NAALADL2: variants seen among roughly 807,000 people sequenced by gnomAD.
The protein encoded by NAALADL2 is N-acetylated alpha-linked acidic dipeptidase like 2.
Under a neutral mutation model 87.2 loss-of-function variants are expected in NAALADL2, and 76 were observed. That is an observed-to-expected ratio of 0.87 (90% confidence interval 0.72 to 1.05). The LOEUF (loss-of-function observed/expected upper bound fraction) is 1.05, where lower values mean the gene tolerates loss of function less well. NAALADL2 is among the 50% of genes least tolerant of loss of function. The pLI is 0.00. For synonymous variants in NAALADL2, 354 were observed against 331.0 expected (o/e 1.07, Z -0.75); for missense variants, 1,089 against 945.8 (o/e 1.15, Z -1.99).
At chr3:174,835,717 G>A (rs929589907) in intron 3 of NAALADL2, among the ~76,000 whole-genome samples, 1 of 151,998 alleles carries the variant, frequency 6.6e-6, no homozygotes, top group Admixed American at 6.6e-5. Context: ...CTTCTTTAAC[G>A]AAGATATACA....
chr3:175,425,792 G>A (rs764217523), intron 5 of NAALADL2, among the ~76,000 whole-genome samples: 19 of 152,122 alleles, frequency 1.2e-4, no homozygotes, highest in Non-Finnish European at 1.2e-4. Context: ...GATCATCTGT[G>A]TTGTGGCTAA....
intron 1 of NAALADL2, among the ~76,000 whole-genome samples, chr3:174,902,500 TAACTC>T (rs1732436976): frequency 6.6e-6 from 1 of 151,984 alleles, no homozygotes; most frequent in South Asian, 2.1e-4. Context: ...GACTCTAAAA[TAACTC>T]AAAAAGACAA....
chr3:174,824,356 T>A (rs1056964296), intron 3 of NAALADL2, among the ~76,000 whole-genome samples: 2 of 152,202 alleles, frequency 1.3e-5, no homozygotes, highest in African/African-American at 2.4e-5. Context: ...AGAATGCGAC[T>A]GATAATTCAT....
At chr3:175,205,897 C>T (rs1044243481) in intron 2 of NAALADL2, among the ~76,000 whole-genome samples, 1 of 151,550 alleles carries the variant, frequency 6.6e-6, no homozygotes, top group Non-Finnish European at 1.5e-5. Context: ...CCATCACGCG[C>T]TACCACCTTA....
At chr3:175,562,417 T>C (rs1159666031) in intron 9 of NAALADL2, among the ~76,000 whole-genome samples, 1 of 152,052 alleles carries the variant, frequency 6.6e-6, no homozygotes, top group Non-Finnish European at 1.5e-5. Flanking sequence ...ATGTATATAT[T>C]ATATGACATA....
At chr3:175,338,083 T>C (rs1762178915) in intron 5 of NAALADL2, among the ~76,000 whole-genome samples, 1 of 152,154 alleles carries the variant, frequency 6.6e-6, no homozygotes, top group South Asian at 2.1e-4. Flanking sequence ...CACCAAGCTA[T>C]GTCAGGAGTG....
chr3:174,564,903 A>G (rs1229740474), intron 2 of NAALADL2, among the ~76,000 whole-genome samples: 2 of 151,798 alleles, frequency 1.3e-5, no homozygotes, highest in Non-Finnish European at 2.9e-5. Context: ...TTGAGTCTCT[A>G]TAGGTGAATT....
chr3:175,547,794 GA>G (rs1713617746), intron 9 of NAALADL2, among the ~76,000 whole-genome samples: 1 of 118,198 alleles, frequency 8.5e-6, no homozygotes, highest in African/African-American at 2.7e-5. Flanking sequence ...ACAATCATAT[GA>G]AAAAAAGCTC....
intron 9 of NAALADL2, among the ~76,000 whole-genome samples, chr3:175,481,271 C>T (rs1412426820): frequency 6.6e-6 from 1 of 151,126 alleles, no homozygotes; most frequent in African/African-American, 2.4e-5. Context: ...CTTTACTAAC[C>T]AATTCATTTT....
At chr3:174,748,729 A>G (rs943409072) in intron 3 of NAALADL2, among the ~76,000 whole-genome samples, 4 of 152,166 alleles carry the variant, frequency 2.6e-5, no homozygotes, top group African/African-American at 7.2e-5. Context: ...AACCAGGGTG[A>G]GCATTTTTTC....
At chr3:175,083,885 T>C (rs537103449) in intron 1 of NAALADL2, among the ~76,000 whole-genome samples, 4 of 152,274 alleles carry the variant, frequency 2.6e-5, no homozygotes, top group African/African-American at 9.6e-5. Flanking sequence ...AACTACCAGG[T>C]TCCAGATACA....
At chr3:175,155,071 G>T (rs1030557954) in intron 2 of NAALADL2, among the ~76,000 whole-genome samples, 3 of 152,142 alleles carry the variant, frequency 2.0e-5, no homozygotes, top group Admixed American at 2.0e-4. Flanking sequence ...TGACCTTGAG[G>T]GTTTTAAAAA....
At position 175,028,784 on chromosome 3, in the gene NAALADL2, G is replaced by A. The variant is rs1297567248; in HGVS notation, c.44-68006G>A. Among the ~76,000 whole-genome samples the A allele has an allele frequency of 4.0e-5, 6 of 151,750 alleles. No homozygotes were observed. In the East Asian group the frequency reaches 1.2e-3, roughly 29 times the overall value. ...CCACCTCTCAATACTTTTTTTAGAA[G>A]CTAAAATTTGGGAAATAAAAATCAA... is the stretch of plus-strand genomic sequence containing the variant. On this transcript the variant is annotated intron_variant, in intron 1 of 13. Transcript: ENST00000454872.
At chr3:175,560,108 A>T (rs1252185675) in intron 9 of NAALADL2, among the ~76,000 whole-genome samples, 1 of 151,972 alleles carries the variant, frequency 6.6e-6, no homozygotes, top group Admixed American at 6.6e-5. Context: ...TACAGTTTTG[A>T]TGTCTTTACT....
chr3:175,141,601 A>G (rs920268511), intron 2 of NAALADL2, among the ~76,000 whole-genome samples: 1 of 152,094 alleles, frequency 6.6e-6, no homozygotes, highest in African/African-American at 2.4e-5. Flanking sequence ...AAATCTACAT[A>G]TTTCATAAGA....
chr3:175,481,774 C>T (rs767185368), intron 9 of NAALADL2, among the ~76,000 whole-genome samples: 1 of 151,884 alleles, frequency 6.6e-6, no homozygotes, highest in Non-Finnish European at 1.5e-5. Context: ...AAAGAATAGT[C>T]TATTGGCAGA....
chr3:175,027,718 T>C (rs574886756), intron 1 of NAALADL2, among the ~76,000 whole-genome samples: 3 of 152,170 alleles, frequency 2.0e-5, no homozygotes, highest in Admixed American at 2.0e-4. Context: ...TAGAAGAATA[T>C]GACACAGATA....
chr3:175,182,550 G>GTTTTTTTTTTTTTTTTTTTTTTTTTTTTT (rs1161831796), intron 2 of NAALADL2, among the ~76,000 whole-genome samples: 1 of 69,440 alleles, frequency 1.4e-5, no homozygotes, highest in African/African-American at 6.0e-5. Flanking sequence ...ACCACAGCCA[G>GTTTTTTTTTTTTTTTTTTTTTTTTTTTTT]TTTTTTTTTT....
At chr3:175,545,109 C>T (rs1713074696) in intron 9 of NAALADL2, among the ~76,000 whole-genome samples, 4 of 152,030 alleles carry the variant, frequency 2.6e-5, no homozygotes, top group African/African-American at 7.2e-5. Flanking sequence ...ATTAGAGAGG[C>T]CAGCAGATAT....
Sources: allele counts gnomAD v4.1 joint callset (sites outside exome capture counted in the v4.1 genomes callset), GRCh38; gene constraint gnomAD v4.1.1; transcripts MANE v1.5; gene names NCBI Gene and HGNC (gene_info 2026-07-23, HGNC 2026-07-21).